NMRK1: variants seen among roughly 807,000 people sequenced by gnomAD.
NMRK1 encodes NRK 1.
NMRK1 carries 28 observed loss-of-function variants against 29.9 expected under a neutral mutation model. The ratio of observed to expected loss-of-function variants is 0.94; its 90% CI spans 0.69 to 1.28. NMRK1 has a LOEUF of 1.28. Ranked by LOEUF, NMRK1 falls within the 50% of genes most tolerant of loss-of-function variation. NMRK1 has a pLI of 0.00. For missense variants in NMRK1, 218 were observed against 233.1 expected (o/e 0.94, Z 0.42); for synonymous variants, 58 against 73.0 (o/e 0.79, Z 1.05).
chr9:75,078,569 C>A, intron 2 of NMRK1: 2 of 1,274,990 alleles, frequency 1.6e-6, no homozygotes, highest in Non-Finnish European at 9.9e-7. Context: ...CGTGTTTTAA[C>A]CTGGGGCTCA....
chr9:75,066,317 T>C (rs79528792), intron 8 of NMRK1: 3 of 509,764 alleles, frequency 5.9e-6, no homozygotes, highest in Non-Finnish European at 1.2e-5. Context: ...AAACACTTCA[T>C]AATACTTTTT....
chr9:75,062,784 C>T (rs974785332), intron 8 of NMRK1, among the ~76,000 whole-genome samples: 2 of 152,228 alleles, frequency 1.3e-5, no homozygotes, highest in African/African-American at 4.8e-5. Flanking sequence ...GTAATCCCAG[C>T]ACTATGGGAG....
chr9:75,070,196 TG>T (rs1297785333), intron 4 of NMRK1, among the ~76,000 whole-genome samples, 154 bp from the exon 5 acceptor site: 1 of 152,158 alleles, frequency 6.6e-6, no homozygotes, highest in East Asian at 1.9e-4. Flanking sequence ...AGATAACATG[TG>T]GAAACTCTAA....
chr9:75,061,656 G>A, intron 8 of NMRK1, 89 bp from the exon 9 acceptor site: 1 of 1,126,648 alleles, frequency 8.9e-7, no homozygotes, highest in East Asian at 2.4e-5. Flanking sequence ...ATCTAAGGAT[G>A]TTTAAATTAG....
chr9:75,082,870 T>C, intron 2 of NMRK1: 1 of 539,992 alleles, frequency 1.9e-6, no homozygotes, highest in Non-Finnish European at 3.3e-6. Flanking sequence ...TGGGTAAATG[T>C]GGTTGACTGA....
chr9:75,078,128 CACTT>C (rs1461129780), intron 2 of NMRK1, among the ~76,000 whole-genome samples: 2 of 152,152 alleles, frequency 1.3e-5, no homozygotes, highest in Non-Finnish European at 2.9e-5. Context: ...GTAACACTAA[CACTT>C]AAAAATACAG....
intron 4 of NMRK1, among the ~76,000 whole-genome samples, chr9:75,076,517 A>G (rs1413379792): frequency 6.6e-6 from 1 of 152,246 alleles, no homozygotes; most frequent in Non-Finnish European, 1.5e-5. Context: ...AGTAAATTAT[A>G]TAGGCATATT....
In NMRK1 at chr9:75,086,524, C is replaced by T. The variant is rs185666492; in HGVS notation, c.-36+1484G>A. Reference sequence around the variant, plus strand: ...TTATTTTTTACACTTTTTTTTAACCCTAAGTAAAATGTTGGGTTTTTTAAA... The same window carrying T: ...TTATTTTTTACACTTTTTTTTAACCTTAAGTAAAATGTTGGGTTTTTTAAA... On this transcript the variant is annotated intron_variant, in intron 1 of 8. Coordinates refer to ENST00000361092, the MANE Select transcript of NMRK1 (RefSeq NM_017881.3). 2.7e-3 allele frequency among the ~76,000 whole-genome samples: 405 copies of T among 152,202 alleles called. 3 individuals are homozygous for T. The highest frequency in any genetic ancestry group is 3.8e-3 in the Non-Finnish European group (258 of 68,002).
intron 8 of NMRK1, 81 bp from the exon 9 acceptor site, chr9:75,061,648 C>A (rs1823026524): frequency 5.9e-6 from 7 of 1,194,326 alleles, no homozygotes; most frequent in South Asian, 1.3e-5. Context: ...AACAGTAAAT[C>A]TAAGGATGTT....
chr9:75,065,914 A>G lies in NMRK1; in HGVS notation c.580+843T>C, dbSNP rs556747248. On this transcript the variant is annotated intron_variant, in intron 8 of 8. Coordinates refer to ENST00000361092, the MANE Select transcript of NMRK1 (RefSeq NM_017881.3). Reference sequence around the variant, plus strand: ...TCAACTCGTTGTCAAATCTTGAAAAAGATATCTTTTTACCCTGGGACTGAT... The same window carrying G: ...TCAACTCGTTGTCAAATCTTGAAAAGGATATCTTTTTACCCTGGGACTGAT... Among the ~76,000 whole-genome samples the G allele has an allele frequency of 2.0e-5, 3 of 152,360 alleles. No individual in the cohort carries two copies. In the East Asian group the frequency reaches 5.8e-4, roughly 29 times the overall value.
intron 1 of NMRK1, among the ~76,000 whole-genome samples, chr9:75,084,216 T>C (rs1824485279): frequency 1.3e-5 from 2 of 152,204 alleles, no homozygotes; most frequent in African/African-American, 4.8e-5. Flanking sequence ...CTCTTCTTCC[T>C]TCCTATCTGC....
At chr9:75,062,218 C>G (rs11144210) in intron 8 of NMRK1, among the ~76,000 whole-genome samples, 1 of 152,104 alleles carries the variant, frequency 6.6e-6, no homozygotes, top group Non-Finnish European at 1.5e-5. Flanking sequence ...ATGTGAAACA[C>G]TTGTAACAAC....
intron 7 of NMRK1, among the ~76,000 whole-genome samples, chr9:75,068,158 T>C (rs558429149): frequency 1.3e-5 from 2 of 152,272 alleles, no homozygotes; most frequent in East Asian, 3.9e-4. Flanking sequence ...CCATAGCTGT[T>C]CTATCACCCA....
chr9:75,064,539 A>AT (rs1341383095), intron 8 of NMRK1, among the ~76,000 whole-genome samples: 2 of 152,182 alleles, frequency 1.3e-5, no homozygotes, highest in Non-Finnish European at 2.9e-5. Flanking sequence ...GTGGGCGGGC[A>AT]TATCTGGCAA....
At chr9:75,078,481 C>T (rs1477687116) in intron 2 of NMRK1, 16 of 1,436,608 alleles carry the variant, frequency 1.1e-5, no homozygotes, top group Non-Finnish European at 1.4e-5. Flanking sequence ...TGAGTTACTC[C>T]TCTTTAGATC....
At chr9:75,067,963 A>G (rs1823460866) in intron 7 of NMRK1, among the ~76,000 whole-genome samples, 1 of 152,092 alleles carries the variant, frequency 6.6e-6, no homozygotes, top group Admixed American at 6.5e-5. Context: ...TATTCCAGTG[A>G]TCTGTTCTTA....
intron 2 of NMRK1, among the ~76,000 whole-genome samples, chr9:75,081,396 C>T (rs955607072): frequency 9.2e-5 from 14 of 151,764 alleles, no homozygotes; most frequent in Admixed American, 9.2e-4. Flanking sequence ...AGTTCAAGAC[C>T]AACCTGGATA....
Position 75,066,844 on chromosome 9 carries a change from C to T in NMRK1, c.497-4G>A, listed in dbSNP as rs764609307. On this transcript the variant is annotated splice_region_variant and splice_polypyrimidine_tract_variant and intron_variant, in intron 7 of 8. Transcript: ENST00000361092. Reference sequence around the variant, plus strand: ...GATTTTGTTCCATCCAGGTACACTACGAAGGGGAAAAGAGAGCAGTTCAAA... The same window carrying T: ...GATTTTGTTCCATCCAGGTACACTATGAAGGGGAAAAGAGAGCAGTTCAAA... 122 of 1,560,358 alleles carry T rather than the reference C, an allele frequency of 7.8e-5. No individual in the cohort carries two copies. The highest frequency in any genetic ancestry group is 1.7e-4 in the Middle Eastern group (1 of 5,940).
At chr9:75,078,825 C>T (rs1824160242) in intron 2 of NMRK1, among the ~76,000 whole-genome samples, 1 of 152,204 alleles carries the variant, frequency 6.6e-6, no homozygotes, top group Non-Finnish European at 1.5e-5. Flanking sequence ...TTTAGACCCA[C>T]TTCTGGCTAT....
Sources: allele counts gnomAD v4.1 joint callset (sites outside exome capture counted in the v4.1 genomes callset), GRCh38; gene constraint gnomAD v4.1.1; transcripts MANE v1.5; gene names NCBI Gene and HGNC (gene_info 2026-07-23, HGNC 2026-07-21).